The following CHCHD6 variants were observed in gnomAD, a reference collection of about 807,000 sequenced individuals.
The protein encoded by CHCHD6 is coiled-coil-helix-coiled-coil-helix domain containing 6.
In CHCHD6, 28 loss-of-function variants were observed where a neutral mutation model predicts 32.3. The ratio of observed to expected loss-of-function variants is 0.87; its 90% CI spans 0.64 to 1.19. The LOEUF is 1.19. Among genes scored for constraint, CHCHD6 ranks in the 50% most tolerant of loss-of-function variants. The pLI, the probability that CHCHD6 is intolerant of heterozygous loss-of-function variation, is 0.00. For missense variants in CHCHD6, 333 were observed against 307.0 expected (o/e 1.08, Z -0.63); for synonymous variants, 122 against 117.5 (o/e 1.04, Z -0.25).
At chr3:126,865,359 C>T (rs947885574) in intron 5 of CHCHD6, among the ~76,000 whole-genome samples, 2 of 146,490 alleles carry the variant, frequency 1.4e-5, no homozygotes, top group African/African-American at 2.5e-5. Flanking sequence ...CCTTCTGCCC[C>T]CACCACCACC....
At chr3:126,786,872 T>C (rs1160541196) in intron 4 of CHCHD6, among the ~76,000 whole-genome samples, 1 of 152,176 alleles carries the variant, frequency 6.6e-6, no homozygotes, top group African/African-American at 2.4e-5. Context: ...CCATTGCTTT[T>C]GGTGTTTTAG....
chr3:126,730,636 C>G lies in CHCHD6; in HGVS notation c.266+6C>G, dbSNP rs778607363. 2 of 1,613,006 alleles carry G rather than the reference C, an allele frequency of 1.2e-6. No homozygotes were observed. The highest frequency in any genetic ancestry group is 4.5e-5 in the East Asian group (2 of 44,868). ...ATGAAGGAGGGTGTCAAGAGGTGAG[C>G]CCGAGAGCCTGCTTGCTCCCGGCAC... On this transcript the variant is annotated splice_donor_region_variant and intron_variant, in intron 3 of 7. Coordinates refer to ENST00000290913, the MANE Select transcript of CHCHD6 (RefSeq NM_032343.3).
rs77521157 is a variant in CHCHD6 at position 126,897,667 on chromosome 3, G to A, written c.496-17013G>A. On this transcript the variant is annotated intron_variant, in intron 5 of 7. Coordinates refer to ENST00000290913, the MANE Select transcript of CHCHD6 (RefSeq NM_032343.3). ...TTCTCAGCTATAAAAAGGAGACGAT[G>A]TTCCCAGCCTTCTCTGGCTGATAGG... Among the ~76,000 whole-genome samples, 1,493 of 152,318 alleles carry A rather than the reference G, an allele frequency of 9.8e-3. 24 individuals are homozygous for A. The highest frequency in any genetic ancestry group is 0.034 in the African/African-American group (1,398 of 41,566).
intron 6 of CHCHD6, among the ~76,000 whole-genome samples, chr3:126,920,711 G>A (rs766201966): frequency 6.6e-6 from 1 of 152,228 alleles, no homozygotes; most frequent in Non-Finnish European, 1.5e-5. Context: ...CTCCACAGGA[G>A]CGTTGCCTCC....
chr3:126,799,148 T>G (rs1938942434), intron 4 of CHCHD6, among the ~76,000 whole-genome samples: 1 of 152,204 alleles, frequency 6.6e-6, no homozygotes. Context: ...TCTGTGTTTT[T>G]GTCCTCTCGG....
chr3:126,791,765 A>T (rs927529535), intron 4 of CHCHD6, among the ~76,000 whole-genome samples: 1 of 152,180 alleles, frequency 6.6e-6, no homozygotes, highest in African/African-American at 2.4e-5. Flanking sequence ...GTATGCCACC[A>T]TGCCCAGCTA....
At chr3:126,775,654 C>T (rs562146493) in intron 4 of CHCHD6, among the ~76,000 whole-genome samples, 1 of 152,336 alleles carries the variant, frequency 6.6e-6, no homozygotes, top group East Asian at 1.9e-4. Context: ...GGGAAGATGT[C>T]ACAGTTACTA....
intron 4 of CHCHD6, among the ~76,000 whole-genome samples, chr3:126,810,908 TAG>T (rs1364675098): frequency 4.6e-5 from 7 of 152,110 alleles, no homozygotes; most frequent in Admixed American, 1.3e-4. Flanking sequence ...GGCTCAGTTG[TAG>T]AGAGACTTGT....
At chr3:126,921,292 A>G (rs1559923650) in intron 6 of CHCHD6, among the ~76,000 whole-genome samples, 1 of 152,182 alleles carries the variant, frequency 6.6e-6, no homozygotes, top group Non-Finnish European at 1.5e-5. Flanking sequence ...AGGAGTGTTG[A>G]TGGCAAGGCT....
At chr3:126,953,106 T>G (rs1348468700) in intron 6 of CHCHD6, 2 of 985,352 alleles carry the variant, frequency 2.0e-6, no homozygotes, top group African/African-American at 1.7e-5. Flanking sequence ...TCTCAACAGC[T>G]CTGTGGGGTG....
intron 4 of CHCHD6, among the ~76,000 whole-genome samples, chr3:126,797,071 C>T (rs1938827288): frequency 6.6e-6 from 1 of 152,152 alleles, no homozygotes. Flanking sequence ...CTTCTTACCC[C>T]TGGAGGTGGA....
intron 7 of CHCHD6, among the ~76,000 whole-genome samples, 168 bp from the exon 8 acceptor site, chr3:126,960,028 T>C (rs1344322012): frequency 3.3e-5 from 5 of 152,180 alleles, no homozygotes; most frequent in African/African-American, 4.8e-5. Context: ...TGTGCTGGGC[T>C]CCGGGGTACA....
chr3:126,845,623 G>A (rs1239063146), intron 4 of CHCHD6, among the ~76,000 whole-genome samples: 1 of 151,878 alleles, frequency 6.6e-6, no homozygotes, highest in Non-Finnish European at 1.5e-5. Flanking sequence ...AATCTTGGGG[G>A]CCCTGTTCCA....
rs377600935 is a variant in CHCHD6 at position 126,958,852 on chromosome 3, C to T, written c.702+1301C>T. ...TAGGCTGGGCCAGACCAGGGCCCTT[C>T]GCACCGACCAGACACTTAGCTCCCT... On this transcript the variant is annotated intron_variant, in intron 7 of 7. Transcript: ENST00000290913. Among the ~76,000 whole-genome samples the T allele has an allele frequency of 1.1e-4, 16 of 152,314 alleles. No homozygotes were observed. In the East Asian group the frequency reaches 1.9e-3, roughly 18 times the overall value.
chr3:126,812,428 G>A (rs1459816814), intron 4 of CHCHD6, among the ~76,000 whole-genome samples: 1 of 150,180 alleles, frequency 6.7e-6, no homozygotes, highest in Non-Finnish European at 1.5e-5. Flanking sequence ...TGCCTTTTGA[G>A]TTGCATCTCA....
At chr3:126,900,687 C>T (rs2077912402) in intron 5 of CHCHD6, among the ~76,000 whole-genome samples, 1 of 150,592 alleles carries the variant, frequency 6.6e-6, no homozygotes, top group African/African-American at 2.5e-5. Flanking sequence ...TCACTGCAAC[C>T]TCCGCCTCCC....
chr3:126,781,287 A>G (rs1371266938), intron 4 of CHCHD6, among the ~76,000 whole-genome samples: 6 of 152,200 alleles, frequency 3.9e-5, no homozygotes, highest in Non-Finnish European at 7.3e-5. Flanking sequence ...CAAGACAGAC[A>G]TACACGCACA....
chr3:126,942,607 C>T (rs1318184382), intron 6 of CHCHD6, among the ~76,000 whole-genome samples: 2 of 152,118 alleles, frequency 1.3e-5, no homozygotes, highest in Admixed American at 1.3e-4. Flanking sequence ...CTTCCTTTGG[C>T]ATGTCTCTTC....
intron 5 of CHCHD6, among the ~76,000 whole-genome samples, chr3:126,873,716 G>C (rs2077506027): frequency 6.6e-6 from 1 of 152,214 alleles, no homozygotes; most frequent in African/African-American, 2.4e-5. Flanking sequence ...TCTTCCACCT[G>C]CATGGAGGGA....
Sources: allele counts gnomAD v4.1 joint callset (sites outside exome capture counted in the v4.1 genomes callset), GRCh38; gene constraint gnomAD v4.1.1; transcripts MANE v1.5; gene names NCBI Gene and HGNC (gene_info 2026-07-23, HGNC 2026-07-21).